ANXA4: variants seen among roughly 807,000 people sequenced by gnomAD.
ANXA4 encodes the protein annexin A4.
A neutral mutation model predicts 49.8 loss-of-function variants in ANXA4; 39 were observed. The ratio of observed to expected loss-of-function variants is 0.78; its 90% CI spans 0.61 to 1.02. ANXA4 has a LOEUF of 1.02. ANXA4 is among the 50% of genes least tolerant of loss of function. The pLI, the probability that ANXA4 is intolerant of heterozygous loss-of-function variation, is 0.00. For missense variants in ANXA4, 360 were observed against 410.1 expected (o/e 0.88, Z 1.05); for synonymous variants, 134 against 152.5 (o/e 0.88, Z 0.89).
At chr2:69,798,423 G>A (rs1169843022) in intron 3 of ANXA4, among the ~76,000 whole-genome samples, 2 of 152,240 alleles carry the variant, frequency 1.3e-5, no homozygotes, top group African/African-American at 4.8e-5. Context: ...GGAAAACTTG[G>A]AGATCCTATG....
intron 1 of ANXA4, among the ~76,000 whole-genome samples, chr2:69,776,841 G>A (rs1314101492): frequency 4.6e-5 from 7 of 152,076 alleles, no homozygotes; most frequent in South Asian, 2.1e-4. Flanking sequence ...TGTGGCCCAC[G>A]AGCCACAGGT....
chr2:69,761,962 T>G (rs1264893956), intron 1 of ANXA4, among the ~76,000 whole-genome samples: 1 of 152,148 alleles, frequency 6.6e-6, no homozygotes, highest in Non-Finnish European at 1.5e-5. Context: ...CCAACTAGAT[T>G]AGTGATTACG....
intron 2 of ANXA4, among the ~76,000 whole-genome samples, chr2:69,658,844 A>G (rs1250386848): frequency 1.3e-5 from 2 of 152,144 alleles, no homozygotes; most frequent in Non-Finnish European, 2.9e-5. Flanking sequence ...ACAGGTGCGC[A>G]GCACCACACC....
At chr2:69,753,016 C>T (rs138388378) in intron 1 of ANXA4, among the ~76,000 whole-genome samples, 165 of 152,302 alleles carry the variant, frequency 1.1e-3, no homozygotes, top group African/African-American at 3.8e-3. Flanking sequence ...GCCTAAGTCA[C>T]GTGAGAGCTC....
At chr2:69,810,503 C>T (rs1673650472) in intron 6 of ANXA4, 91 bp from the exon 7 acceptor site, 1 of 1,047,056 alleles carries the variant, frequency 9.6e-7, no homozygotes, top group Admixed American at 1.8e-5. Context: ...CATAAGCAGG[C>T]TGGTCTTGAG....
Position 69,781,334 on chromosome 2 carries a change from C to CT in ANXA4, c.-46-179dup, listed in dbSNP as rs561879103. ...TATTTTACCAGTGTGATAAAGTTGA[C>CT]TTTTTTTAACAGTTTCTCTAATTAG... is the stretch of plus-strand genomic sequence containing the variant. On this transcript the variant is annotated intron_variant, in intron 1 of 12. Transcript: ENST00000394295. 714 of 597,888 alleles carry CT rather than the reference C, an allele frequency of 1.2e-3. 2 individuals are homozygous for CT. The highest frequency in any genetic ancestry group is 0.01 in the African/African-American group (558 of 53,794). 37.0% of individuals were successfully genotyped at this position (597,888 alleles called of 1,614,324 possible).
rs1364554504 is a variant in ANXA4 at position 69,656,353 on chromosome 2, ATGTG to A, written n.766+3073_766+3076del. Among the ~76,000 whole-genome samples, 22 of 132,396 alleles carry A rather than the reference ATGTG, an allele frequency of 1.7e-4. 2 individuals carry two copies. In the East Asian group the frequency reaches 3.8e-3, roughly 23 times the overall value. 86.9% of individuals were successfully genotyped at this position (132,396 alleles called of 152,430 possible). On this transcript the variant is annotated intron_variant and non_coding_transcript_variant, in intron 2 of 3. Transcript: ENST00000418066. ...TATATGTGTATATATATGTGTATAT[ATGTG>A]TATATATATGTGTATATATGTGTAT...
At chr2:69,678,918 G>T (rs1291243356) in intron 2 of ANXA4, among the ~76,000 whole-genome samples, 1 of 151,940 alleles carries the variant, frequency 6.6e-6, no homozygotes, top group African/African-American at 2.4e-5. Context: ...TAAATTTTAA[G>T]TTATTTGTAA....
At chr2:69,668,937 CTT>C (rs113566887) in intron 2 of ANXA4, among the ~76,000 whole-genome samples, 3 of 142,982 alleles carry the variant, frequency 2.1e-5, no homozygotes, top group Non-Finnish European at 3.1e-5. Flanking sequence ...CCTTTTGAGC[CTT>C]TTTTTTTTTT....
At chr2:69,758,720 AC>A (rs1671156839) in intron 1 of ANXA4, among the ~76,000 whole-genome samples, 1 of 152,236 alleles carries the variant, frequency 6.6e-6, no homozygotes, top group Non-Finnish European at 1.5e-5. Flanking sequence ...AAGCAAGCTA[AC>A]TTATGGGTGG....
chr2:69,674,150 A>G (rs1054822778), intron 2 of ANXA4: 1 of 152,404 alleles, frequency 6.6e-6, no homozygotes, highest in East Asian at 1.9e-4. Context: ...AAATAGCTGC[A>G]TGGTGAAGTG....
At chr2:69,647,791 A>G (rs1466344192) in intron 1 of ANXA4, among the ~76,000 whole-genome samples, 3 of 152,126 alleles carry the variant, frequency 2.0e-5, no homozygotes, top group Non-Finnish European at 4.4e-5. Flanking sequence ...TCCTGGACTC[A>G]GGTGATCCTC....
At chr2:69,691,525 G>A (rs6704754) in intron 2 of ANXA4, among the ~76,000 whole-genome samples, 118,411 of 151,868 alleles carry the variant, frequency 0.78, 47,213 homozygotes, top group East Asian at 1. Context: ...GATAGGCTCA[G>A]AGTTAAAAAT....
At chr2:69,793,845 G>A (rs1260775039) in intron 3 of ANXA4, among the ~76,000 whole-genome samples, 2 of 139,790 alleles carry the variant, frequency 1.4e-5, no homozygotes, top group Admixed American at 7.4e-5. Context: ...AAAAAAAAAA[G>A]CAATTCAGTC....
chr2:69,791,110 T>G (rs1362940406), intron 3 of ANXA4, among the ~76,000 whole-genome samples: 1 of 152,220 alleles, frequency 6.6e-6, no homozygotes, highest in African/African-American at 2.4e-5. Context: ...AGCCATAGGT[T>G]TGTACTTTTA....
intron 1 of ANXA4, among the ~76,000 whole-genome samples, chr2:69,745,634 G>A (rs954718611): frequency 2.6e-5 from 4 of 151,756 alleles, no homozygotes; most frequent in South Asian, 2.1e-4. Flanking sequence ...AGGTTCAAGC[G>A]ATTCTCCTGC....
rs180798096 is a variant in ANXA4, at chr2:69,662,708, G to A, written n.766+9426G>A. Among the ~76,000 whole-genome samples, 111 of 152,068 alleles carry A rather than the reference G, an allele frequency of 7.3e-4. 1 individual carries two copies. The highest frequency in any genetic ancestry group is 1.9e-3 in the Admixed American group (29 of 15,274). ...ATGTAATCATTTATGCAATGAAACT[G>A]GAGCAACCTGTTGGTAAACTCACCC... is the stretch of plus-strand genomic sequence containing the variant. On this transcript the variant is annotated intron_variant and non_coding_transcript_variant, in intron 2 of 3. Transcript: ENST00000418066.
intron 2 of ANXA4, among the ~76,000 whole-genome samples, chr2:69,694,265 C>A (rs763959368): frequency 6.6e-6 from 1 of 152,056 alleles, no homozygotes; most frequent in African/African-American, 2.4e-5. Context: ...AATGTGAGAA[C>A]GCAGCAGGAA....
intron 1 of ANXA4, among the ~76,000 whole-genome samples, chr2:69,767,688 C>T (rs1671548871): frequency 6.6e-6 from 1 of 152,168 alleles, no homozygotes; most frequent in South Asian, 2.1e-4. Flanking sequence ...TGACCGGGGC[C>T]ATCTGTCTGC....
Sources: allele counts gnomAD v4.1 joint callset (sites outside exome capture counted in the v4.1 genomes callset), GRCh38; gene constraint gnomAD v4.1.1; transcripts MANE v1.5; gene names NCBI Gene and HGNC (gene_info 2026-07-23, HGNC 2026-07-21).